Variants in TENT4A observed in about 807,000 individuals in gnomAD.
TENT4A encodes DNA polymerase kappa.
In TENT4A, 7 loss-of-function variants were observed where a neutral mutation model predicts 72.8. The observed-to-expected ratio is 0.10, with a 90% confidence interval of 0.05 to 0.18. TENT4A has a LOEUF of 0.18. Among genes scored for constraint, TENT4A ranks in the 10% least tolerant of loss-of-function variants. The pLI, the probability that TENT4A is intolerant of heterozygous loss-of-function variation, is 1.00. For synonymous variants in TENT4A, 456 were observed against 434.3 expected, an observed-to-expected ratio of 1.05 and a Z score of -0.62; for missense variants, 831 against 1,017.7, an observed-to-expected ratio of 0.82 and a Z score of 2.50.
chr5:6,734,631 A>G (rs920394298), intron 1 of TENT4A, among the ~76,000 whole-genome samples: 6 of 152,248 alleles, frequency 3.9e-5, no homozygotes, highest in African/African-American at 1.4e-4. Context: ...ATTATCTAAT[A>G]TTTGTTACAG....
chr5:6,738,757 T>C lies in TENT4A; in HGVS notation c.887+28T>C, dbSNP rs778528553. The stretch of plus-strand genomic sequence containing the variant: ...GAGTACCAGACTGCATGGCATGGGC[T>C]AGTGGGGGGCTGGGATGGTGTCTAT... On this transcript the variant is annotated intron_variant, in intron 3 of 12. Transcript: ENST00000230859. 3 of 1,557,358 alleles carry C rather than the reference T, an allele frequency of 1.9e-6. No individual in the cohort carries two copies. In the East Asian group the frequency reaches 6.7e-5, roughly 35 times the overall value.
intron 1 of TENT4A, among the ~76,000 whole-genome samples, chr5:6,733,390 C>T (rs868448110): frequency 6.6e-6 from 1 of 152,224 alleles, no homozygotes; most frequent in South Asian, 2.1e-4. Context: ...CCCAGGGCTG[C>T]CTAGGGCTCT....
Position 6,737,909 on chromosome 5 carries a change from GTT to G in TENT4A, c.840+293_840+294del, listed in dbSNP as rs374682397. ...GACCATCGGCTGAGGGATTTGTTGG[GTT>G]TTTTTTTTTTTTTTTTGGAAGGGGG... On this transcript the variant is annotated intron_variant, in intron 2 of 12. Transcript: ENST00000230859. Among the ~76,000 whole-genome samples the G allele has an allele frequency of 3.9e-3, 509 of 129,064 alleles. 3 individuals carry two copies. The highest frequency in any genetic ancestry group is 0.013 in the African/African-American group (466 of 34,886). The allele number at this position is 129,064 out of a possible 152,430, so 84.7% of individuals were successfully genotyped here.
At position 6,739,785 on chromosome 5, in the gene TENT4A, T is replaced by C; in HGVS notation, c.941T>C (p.Leu314Pro). 6.2e-7 allele frequency: 1 copy of C among 1,614,180 alleles called. No individual in the cohort carries two copies. The highest frequency in any genetic ancestry group is 8.5e-7 in the Non-Finnish European group (1 of 1,180,004). Residue 314 changes from leucine to proline, a missense_variant, in exon 4 of 13, where the codon CTG (leucine) becomes CCG (proline). Around this residue, in one of 3 missense-constraint regions of TENT4A, gnomAD observed 197 missense variants for 399.6 expected, o/e 0.49. Transcript: ENST00000230859. ...TGGGAGCGTCCTCCTTTACAGCTGC[T>C]GGAGCAAGCCCTGCGGAAGCACAAC... is the stretch of plus-strand genomic sequence containing the variant. ...GKWERPPLQL[L>P]EQALRKHNVA... is the part of the protein sequence containing the mutation.
In TENT4A at chr5:6,750,368, C is replaced by T. The variant is rs1345506162; in HGVS notation, c.1725C>T (p.Cys575=). 1.9e-6 allele frequency: 3 copies of T among 1,612,782 alleles called. No homozygotes were observed. The highest frequency in any genetic ancestry group is 2.2e-5 in the South Asian group (2 of 90,948). ...AGATCAAAGAGCGAATAGCCACATG[C>T]AATGGGGAGCAGACGCAGAACCGAG... The part of the protein sequence containing the change: ...RIKIKERIAT[C]NGEQTQNREP... Residue 575 remains cysteine, a synonymous_variant, in exon 10 of 13, where the codon TGC becomes TGT. Transcript: ENST00000230859.
intron 1 of TENT4A, among the ~76,000 whole-genome samples, chr5:6,723,047 C>T (rs538801192): frequency 1.5e-5 from 2 of 131,040 alleles, no homozygotes; most frequent in Non-Finnish European, 3.4e-5. Flanking sequence ...ACTTTAGGCT[C>T]TATTTGAAAC....
At chr5:6,736,787 C>T (rs943011096) in intron 1 of TENT4A, among the ~76,000 whole-genome samples, 2 of 152,196 alleles carry the variant, frequency 1.3e-5, no homozygotes, top group Non-Finnish European at 2.9e-5. Context: ...TGCTTTAGAG[C>T]TTTGTTAAGA....
At chr5:6,749,170 C>T (rs991240182) in intron 8 of TENT4A, among the ~76,000 whole-genome samples, 8 of 152,156 alleles carry the variant, frequency 5.3e-5, no homozygotes, top group Admixed American at 5.2e-4. Context: ...TCTGTGTGTT[C>T]CTGAGCCGCT....
At position 6,750,418 on chromosome 5, in the gene TENT4A, G is replaced by T. The variant is rs763229052; in HGVS notation, c.1775G>T (p.Arg592Leu). The T allele has an allele frequency of 5.6e-6, 9 of 1,613,284 alleles. No individual in the cohort carries two copies. The South Asian group carries it at 6.6e-5, about 12-fold the overall frequency. The change falls in exon 10 of 13, where the codon CGC becomes CTC. Residue 592 changes from arginine (R) to leucine (L), a missense_variant. By Grantham distance (102) the Arg-to-Leu change is moderately radical. Around this residue, in one of 3 missense-constraint regions of TENT4A, gnomAD observed 332 missense variants for 324.3 expected, o/e 1.02. Transcript: ENST00000230859. ...GAGCCCGAGTCTCCCTATGGCCAGC[G>T]CTTGACTTTGTCGCTGTCCAGCCCC... is the stretch of plus-strand genomic sequence containing the variant. The part of the protein sequence containing the change: ...NREPESPYGQ[R>L]LTLSLSSPQL...
At chr5:6,736,202 G>C (rs1328491073) in intron 1 of TENT4A, among the ~76,000 whole-genome samples, 1 of 152,192 alleles carries the variant, frequency 6.6e-6, no homozygotes, top group Non-Finnish European at 1.5e-5. Flanking sequence ...CTAGCCTTAA[G>C]CCCTCTGTGG....
chr5:6,750,708 G>A (rs1458436879), intron 10 of TENT4A: 18 of 560,306 alleles, frequency 3.2e-5, no homozygotes, highest in East Asian at 2.7e-4. Flanking sequence ...CTGTCTGTGC[G>A]ACTCATGCGG....
At chr5:6,735,559 C>G (rs1741436391) in intron 1 of TENT4A, among the ~76,000 whole-genome samples, 1 of 152,162 alleles carries the variant, frequency 6.6e-6, no homozygotes, top group Non-Finnish European at 1.5e-5. Flanking sequence ...TAGGTAACAC[C>G]TCAGACTTTA....
In TENT4A at chr5:6,755,593, A is replaced by G. The variant is rs1398116109; in HGVS notation, c.*648A>G. 6.6e-6 allele frequency: 1 copy of G among 152,534 alleles called. No individual in the cohort carries two copies. The highest frequency in any genetic ancestry group is 2.4e-5 in the African/African-American group (1 of 41,444). 9.4% of individuals were successfully genotyped at this position (152,534 alleles called of 1,614,324 possible). The stretch of plus-strand genomic sequence containing the variant: ...CGTGTCGGCTGGTTGTCTGACGAGC[A>G]TCGTTACAAACACCATGATGAGGGG... On this transcript the variant is annotated 3_prime_UTR_variant, in exon 13 of 13. Coordinates refer to ENST00000230859, the MANE Select transcript of TENT4A (RefSeq NM_006999.6).
intron 1 of TENT4A, among the ~76,000 whole-genome samples, chr5:6,736,732 G>A (rs1329924018): frequency 1.3e-5 from 2 of 152,190 alleles, no homozygotes; most frequent in African/African-American, 2.4e-5. Context: ...TTGAGGTGGC[G>A]GCGTGAGGCG....
chr5:6,739,917 G>T, intron 4 of TENT4A, 65 bp downstream of exon 4: 7 of 1,520,376 alleles, frequency 4.6e-6, no homozygotes, highest in Non-Finnish European at 6.4e-6. Flanking sequence ...GTGGTCACAG[G>T]ATACGCCTGC....
At position 6,738,746 on chromosome 5, in the gene TENT4A, A is replaced by C; in HGVS notation, c.887+17A>C. ...TCCAACTAGGTGAGTACCAGACTGC[A>C]TGGCATGGGCTAGTGGGGGGCTGGG... is the stretch of plus-strand genomic sequence containing the variant. On this transcript the variant is annotated intron_variant, in intron 3 of 12. Coordinates refer to ENST00000230859, the MANE Select transcript of TENT4A (RefSeq NM_006999.6). 2 of 1,594,148 alleles carry C rather than the reference A, an allele frequency of 1.3e-6. No individual in the cohort carries two copies. Among genetic ancestry groups the C allele is most frequent in the Non-Finnish European group, 1.7e-6 (2 of 1,161,722 alleles).
In TENT4A at chr5:6,746,294, A is replaced by G. The variant is rs1360084849; in HGVS notation, c.1326A>G (p.Arg442=). 1 of 1,614,226 alleles carries G rather than the reference A, an allele frequency of 6.2e-7. No homozygotes were observed. The highest frequency in any genetic ancestry group is 1.7e-5 in the Admixed American group (1 of 60,032). Residue 442 remains arginine, a synonymous_variant, in exon 7 of 13, where the codon AGA becomes AGG. Transcript: ENST00000230859. Reference sequence around the variant, plus strand: ...TAGAATTTTTTGAACTCTATGGGAGAAATTTTAATTACTTGAAAACCGGTA... The same window carrying G: ...TAGAATTTTTTGAACTCTATGGGAGGAATTTTAATTACTTGAAAACCGGTA... ...LLVEFFELYG[R]NFNYLKTGIR...
rs376790335 is a variant in TENT4A, at chr5:6,714,766, A to G, written c.716+67A>G. 6.0e-5 allele frequency: 32 copies of G among 529,964 alleles called. 2 individuals carry two copies. The South Asian group carries it at 1.1e-3, about 18-fold the overall frequency. The allele number at this position is 529,964 out of a possible 1,614,324, so 32.8% of individuals were successfully genotyped here. Reference sequence around the variant, plus strand: ...TGGTCCTGGCCGGCGCCCGCGGTGCAGACACCCGTCCCAGGCGCCCGGGCT... The same window carrying G: ...TGGTCCTGGCCGGCGCCCGCGGTGCGGACACCCGTCCCAGGCGCCCGGGCT... On this transcript the variant is annotated intron_variant, in intron 1 of 12. Coordinates refer to ENST00000230859, the MANE Select transcript of TENT4A (RefSeq NM_006999.6).
chr5:6,756,422 A>G lies in TENT4A; in HGVS notation c.*1477A>G, dbSNP rs531526464. On this transcript the variant is annotated 3_prime_UTR_variant, in exon 13 of 13. Coordinates refer to ENST00000230859, the MANE Select transcript of TENT4A (RefSeq NM_006999.6). Reference sequence around the variant, plus strand: ...TCCACTAGTGGAGAATGTCAAGACAAGATACTTATTACCATGACATCTGAT... The same window carrying G: ...TCCACTAGTGGAGAATGTCAAGACAGGATACTTATTACCATGACATCTGAT... 6 of 152,702 alleles carry G rather than the reference A, an allele frequency of 3.9e-5. No individual in the cohort carries two copies. The South Asian group carries it at 1.2e-3, about 32-fold the overall frequency. 9.5% of individuals were successfully genotyped at this position (152,702 alleles called of 1,614,324 possible). A position where few individuals can be genotyped will look rare whatever the true frequency, so the allele number is the denominator to read the frequency against.
Sources: gnomAD v4.1 joint callset for allele counts (sites outside exome capture counted in the v4.1 genomes callset) on GRCh38, gnomAD v4.1.1 for gene constraint, gnomAD v4.1.1 regional missense constraint, MANE v1.5 for transcripts, NCBI Gene and HGNC (gene_info 2026-07-23, HGNC 2026-07-21) for gene names.